Variants in DKK4 observed in about 807,000 individuals in gnomAD.
The protein encoded by DKK4 is dickkopf Wnt signaling pathway inhibitor 4, also known as dickkopf-related protein 4.
In DKK4, 15 loss-of-function variants were observed where a neutral mutation model predicts 14.5. The observed-to-expected ratio is 1.03, with a 90% CI of 0.69 to 1.59. The LOEUF is 1.59. Among genes scored for constraint, DKK4 ranks in the 40% most tolerant of loss-of-function variants. The pLI is 0.00. For missense variants in DKK4, 272 were observed against 280.3 expected (o/e 0.97, Z 0.21); for synonymous variants, 89 against 105.2 (o/e 0.85, Z 0.94).
At chr8:42,375,494 AC>A (rs1361961135) in intron 2 of DKK4, among the ~76,000 whole-genome samples, 185 bp downstream of exon 2, 1 of 151,692 alleles carries the variant, frequency 6.6e-6, no homozygotes, top group African/African-American at 2.4e-5. Context: ...TGAGCTGTGG[AC>A]AACAAGGGCG....
chr8:42,389,636 T>C, the DKK4 span, among the ~76,000 whole-genome samples: 4 of 152,342 alleles, frequency 2.6e-5, no homozygotes, highest in East Asian at 7.7e-4. Flanking sequence ...ACAGACTTTG[T>C]GGGGGACTTT....
the DKK4 span, among the ~76,000 whole-genome samples, chr8:42,384,366 C>T: frequency 6.6e-6 from 1 of 152,268 alleles, no homozygotes; most frequent in Non-Finnish European, 1.5e-5. Flanking sequence ...TGGTCTTGAA[C>T]TCTTGGGCTC....
chr8:42,384,217 A>G, the DKK4 span, among the ~76,000 whole-genome samples: 1 of 152,170 alleles, frequency 6.6e-6, no homozygotes, highest in Non-Finnish European at 1.5e-5. Context: ...GCTGGAGTGC[A>G]GTGGTGCAAG....
rs765151852 is a variant in DKK4, at chr8:42,374,877, A to C, written c.299T>G (p.Leu100Ter). 1 of 1,614,088 alleles carries C rather than the reference A, an allele frequency of 6.2e-7. No homozygotes were observed. Among genetic ancestry groups the C allele is most frequent in the South Asian group, 1.1e-5 (1 of 91,080 alleles). Residue 100 changes from leucine to a stop codon, truncating the protein, a stop_gained, in exon 3 of 4, where the codon TTA (leucine) becomes TGA (stop). Transcript: ENST00000220812. LOFTEE classifies it high-confidence loss of function. ...CTTMEDATPI[L>*]ERQLDEQDGT... Reference sequence around the variant, plus strand: ...ATCTTGCTCATCAAGCTGCCTTTCTAATATTGGGGTTGCATCTTCCATCGT... The same window carrying C: ...ATCTTGCTCATCAAGCTGCCTTTCTCATATTGGGGTTGCATCTTCCATCGT...
chr8:42,374,843 A>T lies in DKK4; in HGVS notation c.333T>A (p.His111Gln), dbSNP rs772147930. 4.3e-6 allele frequency: 7 copies of T among 1,614,002 alleles called. No homozygotes were observed. Among genetic ancestry groups the T allele is most frequent in the South Asian group, 1.1e-5 (1 of 91,084 alleles). ...ERQLDEQDGT[H>Q]AEGTTGHPVQ... ...CTGGGTGCCCAGTTGTTCCTTCTGC[A>T]TGTGTGCCATCTTGCTCATCAAGCT... Residue 111 changes from histidine to glutamine, a missense_variant, in exon 3 of 4, where the codon CAT becomes CAA. His to Gln is a conservative substitution (Grantham distance 24). Coordinates refer to ENST00000220812, the MANE Select transcript of DKK4 (RefSeq NM_014420.3).
the DKK4 span, among the ~76,000 whole-genome samples, chr8:42,390,851 C>T: frequency 6.6e-6 from 1 of 152,096 alleles, no homozygotes; most frequent in South Asian, 2.1e-4. Context: ...TATGTCAGTC[C>T]CTACCATCCC....
the DKK4 span, among the ~76,000 whole-genome samples, chr8:42,386,297 T>TAC: frequency 1.6e-3 from 248 of 150,430 alleles, no homozygotes; most frequent in Admixed American, 5.3e-3. Context: ...AAAATTACAA[T>TAC]ACACACACAC....
upstream of DKK4, among the ~76,000 whole-genome samples, chr8:42,380,847 T>C (rs1188433058): frequency 1.6e-5 from 1 of 61,454 alleles, no homozygotes; most frequent in Non-Finnish European, 3.5e-5. Context: ...AAAAAATAAA[T>C]GAAAAAAGGA....
At chr8:42,380,391 G>A (rs1036347947), upstream of DKK4, among the ~76,000 whole-genome samples, 3 of 124,334 alleles carry the variant, frequency 2.4e-5, no homozygotes, top group Non-Finnish European at 4.6e-5. Context: ...AAGAAAGAAA[G>A]GAAGGAAGGA....
Position 42,376,929 on chromosome 8 carries a change from C to A in DKK4, c.111+6G>T. ...CGTACCTCGCCCCCCTCCCTAGCAG[C>A]CTTACCTTCCGGGCCCCATGCAGGT... On this transcript the variant is annotated splice_donor_region_variant and intron_variant, in intron 1 of 3. Transcript: ENST00000220812. 6.2e-7 allele frequency: 1 copy of A among 1,612,888 alleles called. No individual in the cohort carries two copies. Among genetic ancestry groups the A allele is most frequent in the African/African-American group, 1.3e-5 (1 of 75,030 alleles).
rs908576936 is a variant in DKK4, at chr8:42,374,660, C to G, written c.415+101G>C. 1.0e-5 allele frequency: 15 copies of G among 1,502,420 alleles called. No homozygotes were observed. In the African/African-American group the frequency reaches 1.9e-4, roughly 19 times the overall value. 93.1% of individuals were successfully genotyped at this position (1,502,420 alleles called of 1,614,324 possible). On this transcript the variant is annotated intron_variant, in intron 3 of 3. Coordinates refer to ENST00000220812, the MANE Select transcript of DKK4 (RefSeq NM_014420.3). The stretch of plus-strand genomic sequence containing the variant: ...AACAGCACATGCTTCCTAAGTGTTT[C>G]TGGGATGGAGAAGAATAAAATCAGT...
chr8:42,387,385 TTCAC>T, the DKK4 span, among the ~76,000 whole-genome samples: 1 of 139,860 alleles, frequency 7.2e-6, no homozygotes, highest in Non-Finnish European at 1.5e-5. Flanking sequence ...GAGATGGAGT[TTCAC>T]TCTTGTTGCC....
chr8:42,379,606 G>C (rs1030357374), upstream of DKK4, among the ~76,000 whole-genome samples: 2 of 151,860 alleles, frequency 1.3e-5, no homozygotes, highest in Non-Finnish European at 1.5e-5. Context: ...ACAGACGAAG[G>C]CATGATTTAG....
upstream of DKK4, among the ~76,000 whole-genome samples, chr8:42,377,744 TCCCAACC>T (rs930843662): frequency 6.6e-6 from 1 of 152,156 alleles, no homozygotes; most frequent in African/African-American, 2.4e-5. Context: ...GATGTCAAAA[TCCCAACC>T]GCTTAAAAGT....
At chr8:42,390,834 A>C in the DKK4 span, among the ~76,000 whole-genome samples, 4 of 152,284 alleles carry the variant, frequency 2.6e-5, no homozygotes, top group South Asian at 8.3e-4. Flanking sequence ...GCCTCACACC[A>C]GGGGCATATG....
At chr8:42,376,740 G>C (rs564280617) in intron 1 of DKK4, among the ~76,000 whole-genome samples, 195 bp downstream of exon 1, 1 of 152,160 alleles carries the variant, frequency 6.6e-6, no homozygotes, top group African/African-American at 2.4e-5. Flanking sequence ...GATGTGAAAA[G>C]CCACTGTGTT....
the DKK4 span, among the ~76,000 whole-genome samples, chr8:42,387,202 G>A: frequency 1.3e-5 from 2 of 150,720 alleles, no homozygotes; most frequent in Non-Finnish European, 2.9e-5. Context: ...ACAGGAGAAT[G>A]CCATGGGTAT....
chr8:42,380,804 A>AAAGGAAGG (rs71221208), upstream of DKK4, among the ~76,000 whole-genome samples: 8 of 138,128 alleles, frequency 5.8e-5, no homozygotes, highest in Non-Finnish European at 9.1e-5. Context: ...AAGAAAAAGA[A>AAAGGAAGG]AAGGAAGGAA....
the DKK4 span, among the ~76,000 whole-genome samples, chr8:42,387,704 C>T: frequency 3.9e-5 from 6 of 152,020 alleles, no homozygotes; most frequent in South Asian, 2.1e-4. Flanking sequence ...GAATCTAGAG[C>T]GAGCTAACTG....
Sources: gnomAD v4.1 joint callset for allele counts (sites outside exome capture counted in the v4.1 genomes callset) on GRCh38, gnomAD v4.1.1 for gene constraint, MANE v1.5 for transcripts, NCBI Gene and HGNC (gene_info 2026-07-23, HGNC 2026-07-21) for gene names.